Variants in PROS1 observed in about 807,000 individuals in gnomAD.
PROS1 encodes the protein vitamin K-dependent protein S.
In PROS1, 29 loss-of-function variants were observed where a neutral mutation model predicts 75.9. That is an observed-to-expected ratio of 0.38 (90% CI 0.28 to 0.52). The LOEUF (loss-of-function observed/expected upper bound fraction) is 0.52, where lower values mean the gene tolerates loss of function less well. Ranked by LOEUF, PROS1 falls within the 20% of genes least tolerant of loss-of-function variation. The pLI, the probability that PROS1 is intolerant of heterozygous loss-of-function variation, is 0.83. For missense variants in PROS1, 680 were observed against 810.3 expected (o/e 0.84, Z 1.95); for synonymous variants, 245 against 280.6 (o/e 0.87, Z 1.27).
intron 1 of PROS1, among the ~76,000 whole-genome samples, chr3:93,954,153 A>G (rs1368589236): frequency 6.6e-6 from 1 of 152,188 alleles, no homozygotes; most frequent in Non-Finnish European, 1.5e-5. Flanking sequence ...ATACTGCCCA[A>G]GGTAATTTAT....
chr3:93,876,103 C>T (rs1001532824), intron 14 of PROS1, among the ~76,000 whole-genome samples: 1 of 152,176 alleles, frequency 6.6e-6, no homozygotes, highest in African/African-American at 2.4e-5. Flanking sequence ...TAACACATAT[C>T]TCCGATCTAT....
At chr3:93,943,886 G>A (rs575202462) in intron 1 of PROS1, among the ~76,000 whole-genome samples, 19 of 152,066 alleles carry the variant, frequency 1.2e-4, no homozygotes, top group African/African-American at 1.7e-4. Context: ...GCCCCTGTCC[G>A]CCAGAGAACA....
chr3:93,905,676 G>T, intron 6 of PROS1, 108 bp downstream of exon 6: 2 of 1,179,456 alleles, frequency 1.7e-6, no homozygotes, highest in Admixed American at 4.2e-5. Flanking sequence ...AAATGTGTTA[G>T]TATAAGCACT....
chr3:93,899,835 G>A (rs535777345), intron 7 of PROS1, among the ~76,000 whole-genome samples: 1 of 152,164 alleles, frequency 6.6e-6, no homozygotes, highest in Non-Finnish European at 1.5e-5. Context: ...TGTTGGGGCT[G>A]ATGAAAAAGT....
chr3:93,902,133 A>T (rs1708605723), intron 6 of PROS1, among the ~76,000 whole-genome samples: 1 of 151,880 alleles, frequency 6.6e-6, no homozygotes, highest in African/African-American at 2.4e-5. Context: ...ACATATTAAA[A>T]ACAAAAAAGG....
chr3:93,946,838 G>GAA lies in PROS1; in HGVS notation c.77-19433_77-19432dup, dbSNP rs769904782. Reference sequence around the variant, plus strand: ...AATTAAACTAAAGAGCTTCTGCACAGAAAAAAAAAAAAAAAAAAAACTATC... The same window carrying GAA: ...AATTAAACTAAAGAGCTTCTGCACAGAAAAAAAAAAAAAAAAAAAAAACTATC... On this transcript the variant is annotated intron_variant, in intron 1 of 14. Coordinates refer to ENST00000394236, the MANE Select transcript of PROS1 (RefSeq NM_000313.4). Among the ~76,000 whole-genome samples, 520 of 64,004 alleles carry GAA rather than the reference G, an allele frequency of 8.1e-3. 10 individuals carry two copies. The highest frequency in any genetic ancestry group is 0.029 in the Admixed American group (163 of 5,698). The allele number at this position is 64,004 out of a possible 152,430, so 42.0% of individuals were successfully genotyped here. A position where few individuals can be genotyped will look rare whatever the true frequency, so the allele number is the denominator to read the frequency against.
intron 12 of PROS1, among the ~76,000 whole-genome samples, chr3:93,883,994 A>G (rs541271048): frequency 9.7e-4 from 147 of 152,304 alleles, no homozygotes; most frequent in African/African-American, 3.4e-3. Context: ...CCTGTGGTGC[A>G]TTAAGGGTAA....
At chr3:93,969,122 C>CTTTTTT (rs773990991) in intron 1 of PROS1, among the ~76,000 whole-genome samples, 15 of 114,322 alleles carry the variant, frequency 1.3e-4, no homozygotes, top group East Asian at 2.6e-4. Context: ...CTTTTGTTTT[C>CTTTTTT]TTTTTTTTTT....
In PROS1 at chr3:93,927,415, A is replaced by C; in HGVS notation, c.77-8T>G. ...CCTGTTGCTTTGACAAAACTGAAGG[A>C]AACAATCAGTTTATATGAATTAATC... On this transcript the variant is annotated splice_polypyrimidine_tract_variant and splice_region_variant and intron_variant, in intron 1 of 14. Coordinates refer to ENST00000394236, the MANE Select transcript of PROS1 (RefSeq NM_000313.4). 6.2e-7 allele frequency: 1 copy of C among 1,613,528 alleles called. No homozygotes were observed.
intron 11 of PROS1, 127 bp from the exon 12 acceptor site, chr3:93,885,023 T>A: frequency 1.2e-6 from 1 of 858,424 alleles, no homozygotes; most frequent in Non-Finnish European, 1.8e-6. Flanking sequence ...ATTTTGAATT[T>A]TATTTAAGTT....
intron 1 of PROS1, among the ~76,000 whole-genome samples, chr3:93,965,205 A>G (rs1198257911): frequency 6.6e-6 from 1 of 152,100 alleles, no homozygotes; most frequent in Non-Finnish European, 1.5e-5. Context: ...ATTTCACAAT[A>G]TTAAATCTTG....
chr3:93,906,126 T>C lies in PROS1; in HGVS notation c.364A>G (p.Ser122Gly). 1 of 1,613,838 alleles carries C rather than the reference T, an allele frequency of 6.2e-7. No homozygotes were observed. The highest frequency in any genetic ancestry group is 8.5e-7 in the Non-Finnish European group (1 of 1,179,936). The change falls in exon 5 of 15, where the codon AGT becomes GGT. Residue 122 changes from serine (S) to glycine (G), a missense_variant. Transcript: ENST00000394236. ...CCATCTTCATTGCATGGCAGAGGAC[T>C]ACACTGGTCTGGAATGGCTGAAGGA... ...SCVNAIPDQC[S>G]PLPCNEDGYM...
At chr3:93,918,909 T>C (rs1317946673) in intron 3 of PROS1, among the ~76,000 whole-genome samples, 1 of 152,186 alleles carries the variant, frequency 6.6e-6, no homozygotes, top group Non-Finnish European at 1.5e-5. Context: ...TTCATTTCCA[T>C]GTTTTTTTTC....
intron 1 of PROS1, among the ~76,000 whole-genome samples, chr3:93,957,763 T>G (rs1709627705): frequency 6.6e-6 from 1 of 152,202 alleles, no homozygotes; most frequent in African/African-American, 2.4e-5. Flanking sequence ...CTTATTGTAT[T>G]AGGCCATTCT....
intron 1 of PROS1, among the ~76,000 whole-genome samples, chr3:93,955,403 AG>A (rs1174542626): frequency 6.6e-6 from 1 of 152,248 alleles, no homozygotes; most frequent in African/African-American, 2.4e-5. Context: ...GTCATAAAAA[AG>A]GATGAGTTCA....
chr3:93,967,497 C>A (rs1709809524), intron 1 of PROS1, among the ~76,000 whole-genome samples: 1 of 152,126 alleles, frequency 6.6e-6, no homozygotes, highest in Non-Finnish European at 1.5e-5. Flanking sequence ...ATGAACTCAC[C>A]AATTATAGAG....
At chr3:93,970,701 G>GTA (rs1391384315) in intron 1 of PROS1, among the ~76,000 whole-genome samples, 2 of 151,932 alleles carry the variant, frequency 1.3e-5, no homozygotes, top group African/African-American at 2.4e-5. Context: ...ATATATGTAT[G>GTA]TATATATATG....
chr3:93,946,045 G>T (rs188162327), intron 1 of PROS1, among the ~76,000 whole-genome samples: 6 of 152,162 alleles, frequency 3.9e-5, no homozygotes, highest in African/African-American at 1.4e-4. Flanking sequence ...TGAGTGAACC[G>T]CCATTCACAA....
intron 13 of PROS1, among the ~76,000 whole-genome samples, chr3:93,877,975 C>T (rs1708216519): frequency 6.6e-6 from 1 of 152,076 alleles, no homozygotes; most frequent in South Asian, 2.1e-4. Context: ...TGTCCGTATC[C>T]TTAAACTCAT....
Sources: gnomAD v4.1 joint callset for allele counts (sites outside exome capture counted in the v4.1 genomes callset) on GRCh38, gnomAD v4.1.1 for gene constraint, MANE v1.5 for transcripts, NCBI Gene and HGNC (gene_info 2026-07-23, HGNC 2026-07-21) for gene names.